Variants in PKHD1 observed in about 807,000 individuals in gnomAD.
PKHD1 encodes PKHD1 ciliary IPT domain containing fibrocystin/polyductin, also known as fibrocystin.
In PKHD1, 291 loss-of-function variants were observed where a neutral mutation model predicts 412.0. The observed-to-expected ratio is 0.71, with a 90% CI of 0.64 to 0.78. The LOEUF (loss-of-function observed/expected upper bound fraction) is 0.78, where lower values mean the gene tolerates loss of function less well. Ranked by LOEUF, PKHD1 falls within the 30% of genes least tolerant of loss-of-function variation. The probability of loss-of-function intolerance (pLI) is 0.00; values close to 1 mark genes in which losing one functional copy is unlikely to be tolerated. For synonymous variants in PKHD1, 1,777 were observed against 1,821.5 expected, an observed-to-expected ratio of 0.98 and a Z score of 0.62; for missense variants, 4,825 against 4,950.7, an observed-to-expected ratio of 0.97 and a Z score of 0.76.
Position 51,616,762 on chromosome 6 carries a change from C to T in PKHD1, c.*2319G>A. The T allele has an allele frequency of 2.5e-6, 1 of 398,086 alleles. No individual in the cohort carries two copies. Among genetic ancestry groups the T allele is most frequent in the East Asian group, 3.6e-5 (1 of 28,038 alleles). 24.7% of individuals were successfully genotyped at this position (398,086 alleles called of 1,614,324 possible). A position where few individuals can be genotyped will look rare whatever the true frequency, so the allele number is the denominator to read the frequency against. ...CGCAGAGGGATAGGATAAAACATGC[C>T]TCCCAGAAAGACTGGTCTTGTGACA... On this transcript the variant is annotated 3_prime_UTR_variant, in exon 67 of 67. Transcript: ENST00000371117.
At chr6:51,872,875 CTTTTT>C (rs33953182) in intron 46 of PKHD1, among the ~76,000 whole-genome samples, 18 of 81,494 alleles carry the variant, frequency 2.2e-4, no homozygotes, top group African/African-American at 4.7e-4. Flanking sequence ...CCATCGTTTC[CTTTTT>C]TTTTTTTTTT....
Position 51,912,448 on chromosome 6 carries a change from C to G in PKHD1, c.6250G>C (p.Val2084Leu), listed in dbSNP as rs1783103123. 2 of 1,612,760 alleles carry G rather than the reference C, an allele frequency of 1.2e-6. No individual in the cohort carries two copies. Among genetic ancestry groups the G allele is most frequent in the Non-Finnish European group, 1.7e-6 (2 of 1,179,076 alleles). ...DEVVIISGTG[V>L]KGAKPMEEIV... is the part of the protein sequence containing the mutation. ...TCTTCCATCGGTTTGGCACCTTTAA[C>G]ACCTGTTCCACTGATGATGACAACT... Residue 2084 changes from valine (V) to leucine (L), a missense_variant, in exon 38 of 67, where the codon GTT becomes CTT. Coordinates refer to ENST00000371117, the MANE Select transcript of PKHD1 (RefSeq NM_138694.4).
intron 60 of PKHD1, among the ~76,000 whole-genome samples, chr6:51,742,888 G>A (rs1330718109): frequency 6.6e-6 from 1 of 152,164 alleles, no homozygotes; most frequent in Non-Finnish European, 1.5e-5. Context: ...TGGCTTCTCT[G>A]AGGGTACCTT....
At chr6:51,883,069 AAAC>A (rs1341827352) in intron 46 of PKHD1, 21 bp downstream of exon 46, 2 of 1,606,332 alleles carry the variant, frequency 1.2e-6, no homozygotes, top group Admixed American at 3.3e-5. Flanking sequence ...TGACAGCCTA[AAAC>A]AACCACACTA....
At chr6:51,967,012 G>A (rs1374630249) in intron 35 of PKHD1, among the ~76,000 whole-genome samples, 1 of 152,120 alleles carries the variant, frequency 6.6e-6, no homozygotes, top group African/African-American at 2.4e-5. Flanking sequence ...GAGTACTGCA[G>A]CTGCAGCCTG....
At chr6:51,814,992 T>C (rs939881562) in intron 52 of PKHD1, among the ~76,000 whole-genome samples, 5 of 152,198 alleles carry the variant, frequency 3.3e-5, no homozygotes, top group African/African-American at 9.6e-5. Context: ...CCACCAGGTC[T>C]TCCAGAGAAA....
In PKHD1 at chr6:51,823,210, C is replaced by A. The variant is rs151261494; in HGVS notation, c.8302+7651G>T. 1.6e-4 allele frequency among the ~76,000 whole-genome samples: 24 copies of A among 152,214 alleles called. 1 individual carries two copies. In the East Asian group the frequency reaches 4.6e-3, roughly 29 times the overall value. On this transcript the variant is annotated intron_variant, in intron 52 of 66. Transcript: ENST00000371117. ...CAGAAGGTGCCCAATACGGTCACAC[C>A]TCTGGGAGACTGAGGTGGAGTATTT...
At chr6:51,839,700 C>T (rs945716634) in intron 50 of PKHD1, among the ~76,000 whole-genome samples, 2 of 152,058 alleles carry the variant, frequency 1.3e-5, no homozygotes, top group African/African-American at 4.8e-5. Context: ...GAAATAAGCA[C>T]CCATTTATTT....
intron 60 of PKHD1, among the ~76,000 whole-genome samples, chr6:51,677,277 C>T (rs1440465836): frequency 1.3e-5 from 2 of 152,088 alleles, no homozygotes; most frequent in Non-Finnish European, 2.9e-5. Context: ...GACAGTGGCC[C>T]TTCAGAGTAT....
rs547503963 is a variant in PKHD1, at chr6:51,917,516, G to A, written c.6122-4940C>T. Among the ~76,000 whole-genome samples the A allele has an allele frequency of 5.9e-5, 9 of 152,218 alleles. No individual in the cohort carries two copies. In the South Asian group the frequency reaches 1.9e-3, roughly 32 times the overall value. On this transcript the variant is annotated intron_variant, in intron 37 of 66. Transcript: ENST00000371117. ...ACTGTGCAAGGTGCAGTGACACTCA[G>A]GGGTGTACAGACATGGAGCACTGCA...
At chr6:52,040,971 T>C (rs1305840300) in intron 27 of PKHD1, among the ~76,000 whole-genome samples, 1 of 152,210 alleles carries the variant, frequency 6.6e-6, no homozygotes, top group South Asian at 2.1e-4. Flanking sequence ...TTATTGTTGA[T>C]GGTAACAATT....
chr6:51,734,345 C>T (rs1333336674), intron 60 of PKHD1, among the ~76,000 whole-genome samples: 2 of 152,102 alleles, frequency 1.3e-5, no homozygotes, highest in Admixed American at 6.5e-5. Flanking sequence ...AATGCTAAAA[C>T]AAATTATGCA....
intron 56 of PKHD1, 70 bp from the exon 57 acceptor site, chr6:51,753,423 C>T: frequency 1.6e-6 from 2 of 1,272,978 alleles, no homozygotes; most frequent in Non-Finnish European, 2.3e-6. Context: ...GCTGGGGACC[C>T]AGCAAACCTG....
At chr6:52,005,376 A>G (rs190396184) in intron 35 of PKHD1, among the ~76,000 whole-genome samples, 33 of 152,300 alleles carry the variant, frequency 2.2e-4, no homozygotes, top group Non-Finnish European at 3.1e-4. Flanking sequence ...CTAGATCACA[A>G]TCCAATCCTA....
chr6:51,759,478 G>T (rs1420365227), intron 55 of PKHD1, among the ~76,000 whole-genome samples: 1 of 152,002 alleles, frequency 6.6e-6, no homozygotes, highest in African/African-American at 2.4e-5. Flanking sequence ...TGGTGGTATA[G>T]CTAGGAAAAG....
intron 42 of PKHD1, 93 bp downstream of exon 42, chr6:51,903,891 TAA>T (rs1781680398): frequency 2.7e-6 from 2 of 742,334 alleles, no homozygotes; most frequent in Non-Finnish European, 4.5e-6. Flanking sequence ...ACAATAAACT[TAA>T]GAGACCTAAC....
chr6:51,739,311 AC>A (rs1167577771), intron 60 of PKHD1, among the ~76,000 whole-genome samples: 1 of 151,512 alleles, frequency 6.6e-6, no homozygotes, highest in Non-Finnish European at 1.5e-5. Flanking sequence ...GCTCACTGTA[AC>A]CCCCGCCTCC....
At chr6:51,721,977 G>C (rs778007045) in intron 60 of PKHD1, 11 of 1,613,410 alleles carry the variant, frequency 6.8e-6, no homozygotes, top group Admixed American at 5.0e-5. Flanking sequence ...CTTCCTGCAG[G>C]CTCCTCCTCT....
At chr6:51,747,595 T>A (rs977695134) in intron 58 of PKHD1, among the ~76,000 whole-genome samples, 192 bp downstream of exon 58, 1 of 152,198 alleles carries the variant, frequency 6.6e-6, no homozygotes, top group Non-Finnish European at 1.5e-5. Flanking sequence ...TAGAAAGCTC[T>A]TCAATATGTA....
Sources: gnomAD v4.1 joint callset for allele counts (sites outside exome capture counted in the v4.1 genomes callset) on GRCh38, gnomAD v4.1.1 for gene constraint, MANE v1.5 for transcripts, NCBI Gene and HGNC (gene_info 2026-07-23, HGNC 2026-07-21) for gene names.